Variants in RFX4 observed in about 807,000 individuals in gnomAD.
The protein encoded by RFX4 is regulatory factor X4.
Under a neutral mutation model 95.0 loss-of-function variants are expected in RFX4, and 10 were observed. The ratio of observed to expected loss-of-function variants is 0.11; its 90% CI spans 0.06 to 0.18. RFX4 has a LOEUF of 0.18. RFX4 is among the 10% of genes least tolerant of loss of function. The pLI, the probability that RFX4 is intolerant of heterozygous loss-of-function variation, is 1.00. For synonymous variants in RFX4, 321 were observed against 340.7 expected (o/e 0.94, Z 0.64); for missense variants, 640 against 922.0 (o/e 0.69, Z 3.96).
At chr12:106,628,296 A>C (rs577567030) in intron 2 of RFX4, among the ~76,000 whole-genome samples, 2 of 152,268 alleles carry the variant, frequency 1.3e-5, no homozygotes, top group Non-Finnish European at 2.9e-5. Flanking sequence ...TAGTCTCTCC[A>C]TGGGGCCAAA....
rs564346802 is a variant in RFX4, at chr12:106,696,340, C to G, written c.727C>G (p.Leu243Val). Reference sequence around the variant, plus strand: ...AATGCCGCCCCACATGCTGCCTGTGCTGGGCTCCTCCACGGTGGTGAACAT... The same window carrying G: ...AATGCCGCCCCACATGCTGCCTGTGGTGGGCTCCTCCACGGTGGTGAACAT... ...QGMPPHMLPVLGSSTVVNIVG... is the reference protein window; with the variant it reads ...QGMPPHMLPVVGSSTVVNIVG... Residue 243 changes from leucine to valine, a missense_variant, in exon 8 of 18, where the codon CTG becomes GTG. By Grantham distance (32) the Leu-to-Val change is conservative (BLOSUM62 1). Coordinates refer to ENST00000392842, the MANE Select transcript of RFX4 (RefSeq NM_213594.3). 2.5e-6 allele frequency: 4 copies of G among 1,614,048 alleles called. No individual in the cohort carries two copies. Among genetic ancestry groups the G allele is most frequent in the Non-Finnish European group, 3.4e-6 (4 of 1,180,034 alleles).
intron 1 of RFX4, among the ~76,000 whole-genome samples, chr12:106,597,731 A>C (rs1013507072): frequency 6.6e-6 from 1 of 152,074 alleles, no homozygotes; most frequent in Non-Finnish European, 1.5e-5. Flanking sequence ...GTGGTGGCTG[A>C]AACCTATAAT....
intron 4 of RFX4, among the ~76,000 whole-genome samples, chr12:106,665,168 CT>C (rs1296371035): frequency 2.0e-5 from 3 of 151,768 alleles, no homozygotes; most frequent in South Asian, 4.1e-4. Context: ...TTGATGCTGT[CT>C]TGTTAGGCAC....
rs369958802 is a variant in RFX4, at chr12:106,761,176, A to C, written c.1936-21A>C. On this transcript the variant is annotated intron_variant, in intron 17 of 17. Coordinates refer to ENST00000392842, the MANE Select transcript of RFX4 (RefSeq NM_213594.3). ...CCTCAAGCTAATTTTAACTTTGTGG[A>C]ATTTCTTTCCCCTCAACAAGTACCC... The C allele has an allele frequency of 1.6e-4, 249 of 1,601,280 alleles. No individual in the cohort carries two copies. The African/African-American group carries it at 2.0e-3, about 13-fold the overall frequency.
At chr12:106,624,415 C>T (rs1181446830) in intron 2 of RFX4, among the ~76,000 whole-genome samples, 3 of 152,166 alleles carry the variant, frequency 2.0e-5, no homozygotes, top group South Asian at 2.1e-4. Context: ...ACCTCTGCCT[C>T]CCAGGTTCAA....
chr12:106,692,307 A>G (rs775977411), intron 7 of RFX4, among the ~76,000 whole-genome samples: 5 of 152,238 alleles, frequency 3.3e-5, no homozygotes, highest in Non-Finnish European at 7.3e-5. Context: ...CAAGGCACTT[A>G]ACCTCTCTGA....
intron 17 of RFX4, among the ~76,000 whole-genome samples, chr12:106,759,701 T>TA (rs981584181): frequency 2.6e-5 from 4 of 152,182 alleles, no homozygotes; most frequent in African/African-American, 9.6e-5. Context: ...GTGCTGTCCA[T>TA]AGTCTCCTTG....
At chr12:106,733,440 T>C (rs762983364) in intron 15 of RFX4, 1 of 191,912 alleles carries the variant, frequency 5.2e-6, no homozygotes, top group Non-Finnish European at 1.1e-5. Flanking sequence ...ATTTATTCAT[T>C]GGTACACATT....
At chr12:106,724,957 G>A (rs1234351415) in intron 13 of RFX4, among the ~76,000 whole-genome samples, 4 of 150,684 alleles carry the variant, frequency 2.7e-5, no homozygotes. Flanking sequence ...AGGTTGCAGT[G>A]AGTCGAGATG....
chr12:106,670,226 A>G (rs900760210), intron 4 of RFX4, among the ~76,000 whole-genome samples: 3 of 152,164 alleles, frequency 2.0e-5, no homozygotes, highest in African/African-American at 7.2e-5. Flanking sequence ...TGTTCTAAAA[A>G]TGTCCTACAT....
At chr12:106,646,212 A>G (rs1026327520) in intron 3 of RFX4, among the ~76,000 whole-genome samples, 4 of 152,018 alleles carry the variant, frequency 2.6e-5, no homozygotes, top group Non-Finnish European at 4.4e-5. Flanking sequence ...CTTATTCATA[A>G]TGGCAAAGTG....
chr12:106,750,976 T>C (rs1445596010), intron 17 of RFX4, among the ~76,000 whole-genome samples, 183 bp downstream of exon 17: 1 of 152,016 alleles, frequency 6.6e-6, no homozygotes, highest in Non-Finnish European at 1.5e-5. Context: ...AGGGTACATG[T>C]GCACATTGTG....
chr12:106,626,462 A>C (rs1226222792), intron 2 of RFX4, among the ~76,000 whole-genome samples: 2 of 152,144 alleles, frequency 1.3e-5, no homozygotes, highest in Non-Finnish European at 2.9e-5. Flanking sequence ...AATCATGGGA[A>C]ATAGGGCTAG....
intron 1 of RFX4, 120 bp from the exon 2 acceptor site, chr12:106,608,677 G>C: frequency 1.1e-6 from 1 of 927,938 alleles, no homozygotes; most frequent in Non-Finnish European, 1.6e-6. Context: ...CATGAATATT[G>C]ATGAGCATTT....
At chr12:106,605,614 A>C (rs1452378325) in intron 1 of RFX4, among the ~76,000 whole-genome samples, 1 of 152,244 alleles carries the variant, frequency 6.6e-6, no homozygotes, top group Non-Finnish European at 1.5e-5. Context: ...CCCAAGTGCC[A>C]CGTGTTCACA....
chr12:106,749,233 A>G (rs2042954394), intron 16 of RFX4, among the ~76,000 whole-genome samples: 1 of 147,746 alleles, frequency 6.8e-6, no homozygotes, highest in African/African-American at 2.5e-5. Flanking sequence ...TCCAGCCTGG[A>G]GAATAGAGCG....
At chr12:106,743,060 A>G (rs2042833694) in intron 15 of RFX4, among the ~76,000 whole-genome samples, 1 of 152,184 alleles carries the variant, frequency 6.6e-6, no homozygotes, top group South Asian at 2.1e-4. Flanking sequence ...GTTCCCCTGT[A>G]GCAGTTTCAA....
intron 2 of RFX4, among the ~76,000 whole-genome samples, chr12:106,638,810 G>A (rs1178430742): frequency 6.6e-6 from 1 of 152,094 alleles, no homozygotes; most frequent in Non-Finnish European, 1.5e-5. Flanking sequence ...AGTGGTATGG[G>A]GGAGCTCTCT....
intron 2 of RFX4, among the ~76,000 whole-genome samples, chr12:106,624,609 G>A (rs1406402261): frequency 2.6e-5 from 4 of 152,118 alleles, no homozygotes; most frequent in South Asian, 2.1e-4. Flanking sequence ...TTACAGGCGT[G>A]AGCCACCTCG....
Sources: gnomAD v4.1 joint callset for allele counts (sites outside exome capture counted in the v4.1 genomes callset) on GRCh38, gnomAD v4.1.1 for gene constraint, MANE v1.5 for transcripts, NCBI Gene and HGNC (gene_info 2026-07-23, HGNC 2026-07-21) for gene names.